Variants in PEX11G observed in about 807,000 individuals in gnomAD.
PEX11G encodes the protein peroxisomal membrane protein 11C.
A neutral mutation model predicts 22.5 loss-of-function variants in PEX11G; 20 were observed. The observed-to-expected ratio is 0.89, with a 90% CI of 0.62 to 1.29. The LOEUF is 1.29. Ranked by LOEUF, PEX11G falls within the 50% of genes most tolerant of loss-of-function variation. PEX11G has a pLI of 0.00. For missense variants in PEX11G, 347 were observed against 331.3 expected (o/e 1.05, Z -0.37); for synonymous variants, 141 against 154.5 (o/e 0.91, Z 0.65).
chr19:7,482,204 T>G lies in PEX11G; in HGVS notation c.257A>C (p.Asp86Ala). 6.4e-7 allele frequency: 1 copy of G among 1,564,344 alleles called. No homozygotes were observed. The highest frequency in any genetic ancestry group is 8.7e-7 in the Non-Finnish European group (1 of 1,155,830). ...GACGGAGACACAGCGGACAAAGGCGTCCTCCTCCTGCAGGACCAGGAGCAG... is the reference window on the plus strand; with the variant it reads ...GACGGAGACACAGCGGACAAAGGCGGCCTCCTCCTGCAGGACCAGGAGCAG... ...KQYGLGAQEE[D>A]AFVRCVSVLG... The change falls in exon 3 of 5, where the codon GAC (aspartate) becomes GCC (alanine). Residue 86 changes from aspartate (D) to alanine (A), a missense_variant. Transcript: ENST00000221480.
At chr19:7,488,746 G>A (rs1293764255) in intron 1 of PEX11G, among the ~76,000 whole-genome samples, 2 of 152,240 alleles carry the variant, frequency 1.3e-5, no homozygotes, top group Admixed American at 6.5e-5. Context: ...AGGCTGCAGT[G>A]AGCAGAGATC....
intron 1 of PEX11G, among the ~76,000 whole-genome samples, chr19:7,488,156 A>G (rs1172835263): frequency 6.6e-6 from 1 of 152,222 alleles, no homozygotes; most frequent in East Asian, 1.9e-4. Flanking sequence ...TAAATGTCCA[A>G]ACATGGGAAT....
Position 7,478,299 on chromosome 19 carries a change from A to C in PEX11G, c.491+15T>G. ...AGGGAGTGGGCCTCCCTGCTGGGTG[A>C]TCACGGGCTCCTACCTGGTGAAGGG... On this transcript the variant is annotated intron_variant, in intron 4 of 4. Transcript: ENST00000221480. 6.2e-7 allele frequency: 1 copy of C among 1,609,098 alleles called. No individual in the cohort carries two copies. The highest frequency in any genetic ancestry group is 8.5e-7 in the Non-Finnish European group (1 of 1,178,974).
At chr19:7,489,851 C>CTT (rs55711330), upstream of PEX11G, among the ~76,000 whole-genome samples, 572 of 143,830 alleles carry the variant, frequency 4.0e-3, 4 homozygotes, top group Middle Eastern at 0.011. Flanking sequence ...CTGGAGACGT[C>CTT]TTTTTTTTTT....
upstream of PEX11G, chr19:7,492,978 AC>A (rs1344370070): frequency 6.6e-6 from 1 of 151,648 alleles, no homozygotes; most frequent in East Asian, 1.9e-4. Context: ...ACCCGATCAC[AC>A]CCTCCTGGAC....
Position 7,477,176 on chromosome 19 carries a change from T to C in PEX11G, c.*26A>G. Reference sequence around the variant, plus strand: ...GGAAGGGCCCTCCGTGGGCTCTGGCTGTGTCCCTGTGCTCTTCCGGCAGTG... The same window carrying C: ...GGAAGGGCCCTCCGTGGGCTCTGGCCGTGTCCCTGTGCTCTTCCGGCAGTG... On this transcript the variant is annotated 3_prime_UTR_variant, in exon 5 of 5. Coordinates refer to ENST00000221480, the MANE Select transcript of PEX11G (RefSeq NM_080662.4). 7.0e-7 allele frequency: 1 copy of C among 1,432,606 alleles called. No homozygotes were observed. The highest frequency in any genetic ancestry group is 9.2e-7 in the Non-Finnish European group (1 of 1,091,888). 88.7% of individuals were successfully genotyped at this position (1,432,606 alleles called of 1,614,324 possible).
At chr19:7,489,151 T>C, upstream of PEX11G, 1 of 1,179,176 alleles carries the variant, frequency 8.5e-7, no homozygotes, top group Non-Finnish European at 1.1e-6. Context: ...TTGTCCGCTG[T>C]AGGGGAGGGA....
At chr19:7,480,848 C>G (rs1977457499) in intron 3 of PEX11G, among the ~76,000 whole-genome samples, 1 of 152,168 alleles carries the variant, frequency 6.6e-6, no homozygotes, top group Non-Finnish European at 1.5e-5. Flanking sequence ...CCAGCTCCTG[C>G]TGGTGTTTTC....
At chr19:7,484,896 C>G (rs1032816687) in intron 2 of PEX11G, among the ~76,000 whole-genome samples, 6 of 152,256 alleles carry the variant, frequency 3.9e-5, no homozygotes, top group African/African-American at 1.4e-4. Flanking sequence ...TGAACGTTTG[C>G]TATTTTTAAA....
chr19:7,488,072 T>C (rs944635740), intron 1 of PEX11G, among the ~76,000 whole-genome samples: 1 of 152,186 alleles, frequency 6.6e-6, no homozygotes, highest in African/African-American at 2.4e-5. Context: ...GGGAGAGTCT[T>C]GCAATATCCT....
upstream of PEX11G, among the ~76,000 whole-genome samples, chr19:7,492,249 A>G (rs1299866829): frequency 6.6e-6 from 1 of 152,176 alleles, no homozygotes; most frequent in Non-Finnish European, 1.5e-5. Flanking sequence ...GTAATTGCCC[A>G]ACTGTTTCCC....
chr19:7,489,410 C>T (rs2021824192), upstream of PEX11G: 1 of 1,016,860 alleles, frequency 9.8e-7, no homozygotes, highest in Admixed American at 5.9e-5. Context: ...CTTTTCTGCA[C>T]TGTCTGCCTG....
At chr19:7,488,837 G>A in intron 1 of PEX11G, 114 bp downstream of exon 1, 2 of 1,072,242 alleles carry the variant, frequency 1.9e-6, no homozygotes, top group Non-Finnish European at 2.8e-6. Flanking sequence ...AGCTCGGACG[G>A]GGCCTCTGCG....
At chr19:7,488,151 G>A (rs1015782669) in intron 1 of PEX11G, among the ~76,000 whole-genome samples, 2 of 152,228 alleles carry the variant, frequency 1.3e-5, no homozygotes, top group African/African-American at 4.8e-5. Flanking sequence ...GATCCTAAAT[G>A]TCCAAACATG....
chr19:7,489,260 G>C, upstream of PEX11G: 2 of 1,252,026 alleles, frequency 1.6e-6, no homozygotes, highest in Non-Finnish European at 2.0e-6. Context: ...ACGGCGGTTT[G>C]GCCAACTACC....
chr19:7,494,193 C>T (rs955941125), intron 1 of PEX11G, among the ~76,000 whole-genome samples: 1 of 152,176 alleles, frequency 6.6e-6, no homozygotes, highest in African/African-American at 2.4e-5. Flanking sequence ...AGGCATGAGC[C>T]ACTGCGCCCA....
Position 7,485,829 on chromosome 19 carries a change from C to A in PEX11G, c.249+9G>T. 1 of 1,588,902 alleles carries A rather than the reference C, an allele frequency of 6.3e-7. No homozygotes were observed. The highest frequency in any genetic ancestry group is 8.6e-7 in the Non-Finnish European group (1 of 1,159,988). On this transcript the variant is annotated intron_variant, in intron 2 of 4. Transcript: ENST00000221480. The stretch of plus-strand genomic sequence containing the variant: ...ACCCTACTCCCTAGAGCCCCACAAA[C>A]CCTGTTACCTGTGCCCCCAGGCCAT...
Position 7,477,067 on chromosome 19 carries a change from C to T in PEX11G, c.*135G>A. 2 of 813,156 alleles carry T rather than the reference C, an allele frequency of 2.5e-6. No individual in the cohort carries two copies. The highest frequency in any genetic ancestry group is 3.5e-6 in the Non-Finnish European group (2 of 571,792). The allele number at this position is 813,156 out of a possible 1,614,324, so 50.4% of individuals were successfully genotyped here. ...GAGGCCTGGGGGACCTCGCATCAGT[C>T]CCTCCACCCACCCTGCCCATGGGTT... On this transcript the variant is annotated 3_prime_UTR_variant, in exon 5 of 5. Transcript: ENST00000221480.
intron 1 of PEX11G, among the ~76,000 whole-genome samples, chr19:7,486,739 A>G (rs930044727): frequency 6.6e-5 from 10 of 151,858 alleles, no homozygotes; most frequent in Admixed American, 1.3e-4. Flanking sequence ...AGCTGGGACT[A>G]CAGGCACCCG....
Sources: allele counts gnomAD v4.1 joint callset (sites outside exome capture counted in the v4.1 genomes callset), GRCh38; gene constraint gnomAD v4.1.1; transcripts MANE v1.5; gene names NCBI Gene and HGNC (gene_info 2026-07-23, HGNC 2026-07-21).